Variants in RBL2 observed in about 807,000 individuals in gnomAD.
RBL2 encodes RB transcriptional corepressor like 2, also known as retinoblastoma-like protein 2.
In RBL2, 56 loss-of-function variants were observed where a neutral mutation model predicts 126.0. The observed-to-expected ratio is 0.44, with a 90% CI of 0.36 to 0.56. RBL2 has a LOEUF of 0.56. RBL2 is among the 20% of genes least tolerant of loss of function. The pLI is 0.00. For synonymous variants in RBL2, 454 were observed against 478.5 expected, an observed-to-expected ratio of 0.95 and a Z score of 0.67; for missense variants, 1,229 against 1,398.2, an observed-to-expected ratio of 0.88 and a Z score of 1.93.
intron 14 of RBL2, among the ~76,000 whole-genome samples, chr16:53,469,641 GAGTC>G (rs1339753568): frequency 6.6e-6 from 1 of 152,190 alleles, no homozygotes. Context: ...GTGGAAGACA[GAGTC>G]AGGTCTGATT....
intron 4 of RBL2, chr16:53,448,799 A>AGTTT (rs2058087752): frequency 6.6e-6 from 1 of 152,204 alleles, no homozygotes; most frequent in Non-Finnish European, 1.5e-5. Context: ...GTTACTTTAA[A>AGTTT]GATTAGGCAG....
intron 7 of RBL2, chr16:53,454,182 T>C: frequency 2.2e-6 from 1 of 446,790 alleles, no homozygotes. Context: ...ATAGCAGGAT[T>C]ACATGTGATA....
intron 1 of RBL2, among the ~76,000 whole-genome samples, chr16:53,437,594 A>G (rs1434142087): frequency 3.3e-5 from 5 of 152,200 alleles, no homozygotes; most frequent in African/African-American, 1.2e-4. Context: ...GTGGATCCAC[A>G]ATAGTCTCAT....
chr16:53,450,534 A>G (rs1567730098), intron 4 of RBL2, among the ~76,000 whole-genome samples: 1 of 152,250 alleles, frequency 6.6e-6, no homozygotes, highest in African/African-American at 2.4e-5. Flanking sequence ...AAGTTATAAA[A>G]TAACTAGAAA....
At chr16:53,472,953 G>T (rs974403467) in intron 17 of RBL2, among the ~76,000 whole-genome samples, 1 of 152,162 alleles carries the variant, frequency 6.6e-6, no homozygotes, top group African/African-American at 2.4e-5. Flanking sequence ...TTGAAAAGAA[G>T]ATTTTTTTCC....
At chr16:53,481,534 G>A (rs1960946153) in intron 20 of RBL2, 137 bp from the exon 21 acceptor site, 3 of 791,858 alleles carry the variant, frequency 3.8e-6, no homozygotes, top group African/African-American at 1.8e-5. Flanking sequence ...TTTTCTTTAG[G>A]TTAAGTTATT....
intron 21 of RBL2, 63 bp from the exon 22 acceptor site, chr16:53,490,067 T>G: frequency 7.8e-7 from 1 of 1,274,722 alleles, no homozygotes; most frequent in Non-Finnish European, 1.1e-6. Context: ...TGAGATTCTT[T>G]GACTTAATAC....
chr16:53,479,090 G>C, intron 17 of RBL2, 64 bp from the exon 18 acceptor site: 1 of 1,316,852 alleles, frequency 7.6e-7, no homozygotes. Context: ...CAGGTTCACA[G>C]AGCTCCTCAC....
In RBL2 at chr16:53,465,333, C is replaced by T. The variant is rs1175095237; in HGVS notation, c.1699-105C>T. 4 of 671,926 alleles carry T rather than the reference C, an allele frequency of 6.0e-6. No homozygotes were observed. In the African/African-American group the frequency reaches 7.5e-5, roughly 13 times the overall value. The allele number at this position is 671,926 out of a possible 1,614,324, so 41.6% of individuals were successfully genotyped here. A position where few individuals can be genotyped will look rare whatever the true frequency, so the allele number is the denominator to read the frequency against. ...ACAAAGACAGTAAAAGGAAGAGCGG[C>T]TGTTTCAAAATAATACTTCAACTTG... On this transcript the variant is annotated intron_variant, in intron 12 of 21. Transcript: ENST00000262133.
At chr16:53,483,880 A>C (rs1483716305) in intron 21 of RBL2, among the ~76,000 whole-genome samples, 1 of 152,118 alleles carries the variant, frequency 6.6e-6, no homozygotes, top group African/African-American at 2.4e-5. Context: ...TCCGTCTCCA[A>C]AGAAAAACAG....
chr16:53,478,950 T>C (rs1960836725), intron 17 of RBL2: 1 of 571,840 alleles, frequency 1.7e-6, no homozygotes, highest in Non-Finnish European at 3.1e-6. Context: ...TACTATAGAC[T>C]CCTATTGTTT....
intron 18 of RBL2, 63 bp from the exon 19 acceptor site, chr16:53,479,823 C>A: frequency 9.1e-7 from 1 of 1,102,192 alleles, no homozygotes; most frequent in Non-Finnish European, 1.3e-6. Context: ...TGTGAAGGTC[C>A]TATCACCAAG....
Position 53,453,521 on chromosome 16 carries a change from T to G in RBL2, c.836T>G (p.Leu279Arg). ...GACCCCCCTTGTATCATTGAGAAAC[T>G]GTGTTCCTTACATGATGGCCTAGTT... Reference protein sequence around the residue: ...SSDPPCIIEKLCSLHDGLVLE... With the variant: ...SSDPPCIIEKRCSLHDGLVLE... The change falls in exon 6 of 22, where the codon CTG becomes CGG. Residue 279 changes from leucine (L) to arginine (R), a missense_variant. Transcript: ENST00000262133. 1 of 1,613,184 alleles carries G rather than the reference T, an allele frequency of 6.2e-7. No individual in the cohort carries two copies. The highest frequency in any genetic ancestry group is 8.5e-7 in the Non-Finnish European group (1 of 1,179,288).
Position 53,489,797 on chromosome 16 carries a change from T to TATC in RBL2, c.3250-331_3250-329dup, listed in dbSNP as rs113727301. 2.2e-5 allele frequency: 4 copies of TATC among 184,286 alleles called. 1 individual carries two copies. The highest frequency in any genetic ancestry group is 9.3e-5 in the African/African-American group (4 of 43,052). The allele number at this position is 184,286 out of a possible 1,614,324, so 11.4% of individuals were successfully genotyped here. ...AGAGAAAAAGATGTGTCTAAGTGAC[T>TATC]ATCAGATAGCAATGTAATGCTCCCT... On this transcript the variant is annotated intron_variant, in intron 21 of 21. Transcript: ENST00000262133.
intron 14 of RBL2, among the ~76,000 whole-genome samples, chr16:53,468,174 T>G (rs1294956324): frequency 6.6e-6 from 1 of 152,242 alleles, no homozygotes; most frequent in Non-Finnish European, 1.5e-5. Context: ...AAGAATATTC[T>G]TATTTCTAGA....
intron 21 of RBL2, chr16:53,489,723 A>G (rs1307323105): frequency 6.5e-6 from 1 of 153,322 alleles, no homozygotes; most frequent in Non-Finnish European, 1.5e-5. Flanking sequence ...AAACTGAGTA[A>G]CATTAGACTG....
chr16:53,435,170 T>A (rs2057945700), intron 1 of RBL2, among the ~76,000 whole-genome samples: 1 of 152,132 alleles, frequency 6.6e-6, no homozygotes, highest in South Asian at 2.1e-4. Context: ...GACTTGCCCT[T>A]ATTTGCACCG....
intron 2 of RBL2, among the ~76,000 whole-genome samples, chr16:53,440,213 T>C (rs1244358531): frequency 6.6e-6 from 1 of 151,650 alleles, no homozygotes; most frequent in East Asian, 2.0e-4. Context: ...GGAAAATCAC[T>C]TGAGCCCAGG....
chr16:53,451,398 C>A (rs533600695), intron 4 of RBL2, among the ~76,000 whole-genome samples: 109 of 151,686 alleles, frequency 7.2e-4, no homozygotes, highest in African/African-American at 2.5e-3. Context: ...TTCAGCTGCC[C>A]AGGAGGCTGA....
Sources: gnomAD v4.1 joint callset for allele counts (sites outside exome capture counted in the v4.1 genomes callset) on GRCh38, gnomAD v4.1.1 for gene constraint, MANE v1.5 for transcripts, NCBI Gene and HGNC (gene_info 2026-07-23, HGNC 2026-07-21) for gene names.